The following AOPEP variants were observed in gnomAD, a reference collection of about 807,000 sequenced individuals.
The protein encoded by AOPEP is aminopeptidase O.
AOPEP carries 77 observed loss-of-function variants against 98.1 expected under a neutral mutation model. That is an observed-to-expected ratio of 0.78 (90% CI 0.65 to 0.95). The LOEUF is 0.95. Among genes scored for constraint, AOPEP ranks in the 40% least tolerant of loss-of-function variants. The probability of loss-of-function intolerance (pLI) is 0.00; values close to 1 mark genes in which losing one functional copy is unlikely to be tolerated. For synonymous variants in AOPEP, 346 were observed against 365.3 expected (o/e 0.95, Z 0.60); for missense variants, 1,024 against 1,024.7 (o/e 1.00, Z 0.01).
At chr9:95,046,054 G>GCAC (rs2133695998) in intron 13 of AOPEP, among the ~76,000 whole-genome samples, 1 of 152,270 alleles carries the variant, frequency 6.6e-6, no homozygotes, top group African/African-American at 2.4e-5. Flanking sequence ...CCCAGATACG[G>GCAC]GTTCTTTAAA....
intron 5 of AOPEP, among the ~76,000 whole-genome samples, chr9:94,816,673 G>A (rs1003689626): frequency 3.3e-5 from 5 of 152,174 alleles, no homozygotes; most frequent in Non-Finnish European, 5.9e-5. Context: ...GGAGCTAGAA[G>A]AAGACTGGGG....
At chr9:95,076,289 G>A (rs1455956423) in intron 14 of AOPEP, among the ~76,000 whole-genome samples, 1 of 152,206 alleles carries the variant, frequency 6.6e-6, no homozygotes, top group African/African-American at 2.4e-5. Flanking sequence ...CAATTTAGCA[G>A]CCTCTCAAAG....
the AOPEP span, among the ~76,000 whole-genome samples, chr9:95,116,049 C>A: frequency 2.6e-5 from 4 of 152,228 alleles, no homozygotes; most frequent in Non-Finnish European, 5.9e-5. Context: ...GTACTTCTGC[C>A]CGAAGCCACC....
At chr9:94,795,013 T>G (rs989734307) in intron 4 of AOPEP, among the ~76,000 whole-genome samples, 1 of 152,208 alleles carries the variant, frequency 6.6e-6, no homozygotes, top group Non-Finnish European at 1.5e-5. Flanking sequence ...CCATTAGTTG[T>G]TCCAAGTCAG....
chr9:95,144,609 G>A, the AOPEP span, among the ~76,000 whole-genome samples: 8 of 152,182 alleles, frequency 5.3e-5, no homozygotes, highest in Non-Finnish European at 1.2e-4. Flanking sequence ...AGCTCTTGCT[G>A]AAAGAGTAAG....
chr9:94,944,201 A>G (rs1388319424), intron 7 of AOPEP, among the ~76,000 whole-genome samples: 3 of 152,234 alleles, frequency 2.0e-5, no homozygotes, highest in Non-Finnish European at 4.4e-5. Context: ...TGGTTCCTCA[A>G]AAGCTTAAGC....
intron 1 of AOPEP, among the ~76,000 whole-genome samples, chr9:94,757,782 TCAAA>T (rs1330355056): frequency 2.0e-5 from 3 of 152,164 alleles, no homozygotes; most frequent in African/African-American, 7.2e-5. Context: ...TTTTTTTTAA[TCAAA>T]CAAGTTTTTT....
At chr9:95,048,814 TTTACCAGGCC>T (rs1168282737) in intron 13 of AOPEP, 1 of 152,226 alleles carries the variant, frequency 6.6e-6, no homozygotes, top group Non-Finnish European at 1.5e-5. Flanking sequence ...GCGTGTTTTA[TTTACCAGGCC>T]TTCAAATCAA....
At chr9:94,839,209 C>A (rs779352675) in intron 5 of AOPEP, among the ~76,000 whole-genome samples, 3 of 152,090 alleles carry the variant, frequency 2.0e-5, no homozygotes, top group Non-Finnish European at 2.9e-5. Flanking sequence ...CCTCAGCCTC[C>A]CGAGTAGGTG....
chr9:94,854,645 C>T (rs1236054097), intron 5 of AOPEP, among the ~76,000 whole-genome samples: 4 of 152,192 alleles, frequency 2.6e-5, no homozygotes, highest in Non-Finnish European at 5.9e-5. Flanking sequence ...CATCCAAATG[C>T]TAAAACATGC....
intron 5 of AOPEP, among the ~76,000 whole-genome samples, chr9:94,834,273 C>T (rs2041271968): frequency 6.6e-6 from 1 of 151,956 alleles, no homozygotes. Context: ...AGATACATTG[C>T]AAGGAAAAGA....
At chr9:95,089,476 C>A (rs1163486399), downstream of AOPEP, among the ~76,000 whole-genome samples, 1 of 152,206 alleles carries the variant, frequency 6.6e-6, no homozygotes, top group Admixed American at 6.5e-5. Context: ...ATTCATCTGC[C>A]AAGTGGCAGG....
the AOPEP span, among the ~76,000 whole-genome samples, chr9:95,098,482 T>C: frequency 6.6e-6 from 1 of 152,202 alleles, no homozygotes; most frequent in Non-Finnish European, 1.5e-5. Flanking sequence ...TAGCATTTCC[T>C]GTCTGCTCCC....
intron 10 of AOPEP, among the ~76,000 whole-genome samples, chr9:94,968,504 A>G (rs1160432132): frequency 2.6e-5 from 4 of 152,018 alleles, no homozygotes; most frequent in Non-Finnish European, 5.9e-5. Context: ...AGCCTCCCAA[A>G]GTGCTGGGAT....
chr9:94,839,354 G>A (rs1027877962), intron 5 of AOPEP, among the ~76,000 whole-genome samples: 3 of 151,878 alleles, frequency 2.0e-5, no homozygotes, highest in Non-Finnish European at 4.4e-5. Flanking sequence ...TCCCAAAGTG[G>A]CTGGGATTAT....
intron 5 of AOPEP, among the ~76,000 whole-genome samples, chr9:94,818,223 A>C (rs1852140367): frequency 6.6e-6 from 1 of 151,160 alleles, no homozygotes; most frequent in Non-Finnish European, 1.5e-5. Context: ...ATGCCGTTAC[A>C]TCTTAGGTCC....
Position 95,047,368 on chromosome 9 carries a change from GAT to G in AOPEP, c.2116-13325_2116-13324del, listed in dbSNP as rs541632613. ...TCAGTAATTCTTTTAAATGGATGCA[GAT>G]TATTTAAAGATCAAATCAGTATTGT... On this transcript the variant is annotated intron_variant, in intron 13 of 16. Coordinates refer to ENST00000375315, the MANE Select transcript of AOPEP (RefSeq NM_001193329.3). Among the ~76,000 whole-genome samples, 81 of 152,166 alleles carry G rather than the reference GAT, an allele frequency of 5.3e-4. 1 individual carries two copies. The highest frequency in any genetic ancestry group is 2.1e-4 in the Non-Finnish European group (14 of 68,036).
Position 94,792,788 on chromosome 9 carries a change from G to T in AOPEP, c.988G>T (p.Val330Leu). ...WEECSSWYYYVTMPMPASTFT... is the reference protein window; with the variant it reads ...WEECSSWYYYLTMPMPASTFT... The stretch of plus-strand genomic sequence containing the variant: ...AGAGTGCTCAAGCTGGTATTACTAT[G>T]TAACTATGCCAATGCCAGCCTCCAC... The change falls in exon 4 of 17, where the codon GTA becomes TTA. Residue 330 changes from valine (V) to leucine (L), a missense_variant. Physicochemically the swap from Val to Leu is conservative, Grantham distance 32. Around this residue, in one of 3 missense-constraint regions of AOPEP, gnomAD observed 440 missense variants for 433.8 expected, o/e 1.01. Coordinates refer to ENST00000375315, the MANE Select transcript of AOPEP (RefSeq NM_001193329.3). The T allele has an allele frequency of 6.2e-7, 1 of 1,612,622 alleles. No individual in the cohort carries two copies. Among genetic ancestry groups the T allele is most frequent in the Non-Finnish European group, 8.5e-7 (1 of 1,179,144 alleles).
At chr9:94,826,594 A>C (rs1021320743) in intron 5 of AOPEP, among the ~76,000 whole-genome samples, 6 of 152,202 alleles carry the variant, frequency 3.9e-5, no homozygotes, top group African/African-American at 1.4e-4. Context: ...CAGGTGATTC[A>C]AAAGTTCTCC....
Sources: allele counts gnomAD v4.1 joint callset (sites outside exome capture counted in the v4.1 genomes callset), GRCh38; gene constraint gnomAD v4.1.1; regional missense constraint gnomAD v4.1.1; transcripts MANE v1.5; gene names NCBI Gene and HGNC (gene_info 2026-07-23, HGNC 2026-07-21).